Variants in TNRC18 observed in about 807,000 individuals in gnomAD.
The protein encoded by TNRC18 is trinucleotide repeat containing 18, also known as trinucleotide repeat-containing gene 18 protein.
A neutral mutation model predicts 226.7 loss-of-function variants in TNRC18; 69 were observed. That is an observed-to-expected ratio of 0.30 (90% CI 0.25 to 0.37). The LOEUF (loss-of-function observed/expected upper bound fraction) is 0.37, where lower values mean the gene tolerates loss of function less well. Ranked by LOEUF, TNRC18 falls within the 10% of genes least tolerant of loss-of-function variation. The pLI, the probability that TNRC18 is intolerant of heterozygous loss-of-function variation, is 1.00. For synonymous variants in TNRC18, 2,449 were observed against 1,927.6 expected (o/e 1.27, Z -7.09); for missense variants, 4,754 against 4,256.6 (o/e 1.12, Z -3.25).
At chr7:5,374,550 G>A (rs1794461855) in intron 9 of TNRC18, 66 bp from the exon 10 acceptor site, 2 of 1,472,308 alleles carry the variant, frequency 1.4e-6, no homozygotes, top group Admixed American at 2.2e-5. Flanking sequence ...GCCCGCACCT[G>A]CCCTGTCCCC....
At chr7:5,391,538 C>T (rs1190151781) in intron 3 of TNRC18, among the ~76,000 whole-genome samples, 3 of 151,740 alleles carry the variant, frequency 2.0e-5, no homozygotes, top group South Asian at 4.2e-4. Flanking sequence ...CTCGAACTCC[C>T]GGCTTCAAGT....
Position 5,388,693 on chromosome 7 carries a change from G to T in TNRC18, c.1131C>A (p.Ser377=). The T allele has an allele frequency of 7.9e-7, 1 of 1,266,254 alleles. No individual in the cohort carries two copies. Among genetic ancestry groups the T allele is most frequent in the Non-Finnish European group, 1.0e-6 (1 of 1,003,558 alleles). The allele number at this position is 1,266,254 out of a possible 1,614,324, so 78.4% of individuals were successfully genotyped here. ...CCGGGCGCTCGTCGAAGGCCTCCACGGAAGGCACGAAGGTGGGCGCCACCA... is the reference window on the plus strand; with the variant it reads ...CCGGGCGCTCGTCGAAGGCCTCCACTGAAGGCACGAAGGTGGGCGCCACCA... ...HRVVAPTFVP[S]VEAFDERPGP... Residue 377 remains serine (S), a synonymous_variant, in exon 5 of 30, where the codon TCC becomes TCA. Coordinates refer to ENST00000430969, the MANE Select transcript of TNRC18 (RefSeq NM_001080495.3).
chr7:5,357,205 G>C lies in TNRC18; in HGVS notation c.4905C>G (p.Ser1635=), dbSNP rs757431826. The C allele has an allele frequency of 6.2e-6, 10 of 1,611,822 alleles. No homozygotes were observed. Among genetic ancestry groups the C allele is most frequent in the African/African-American group, 2.7e-5 (2 of 74,870 alleles). The change falls in exon 16 of 30, where the codon TCC becomes TCG. Residue 1635 remains serine, a synonymous_variant. Coordinates refer to ENST00000430969, the MANE Select transcript of TNRC18 (RefSeq NM_001080495.3). The part of the protein sequence containing the change: ...QLASKLDKAL[S]LTKQDKLKSP... ...ACTTCAACTTGTCCTGCTTGGTGAGGGAGAGGGCCTTGTCGAGCTTGCTTG... is the reference window on the plus strand; with the variant it reads ...ACTTCAACTTGTCCTGCTTGGTGAGCGAGAGGGCCTTGTCGAGCTTGCTTG...
intron 9 of TNRC18, among the ~76,000 whole-genome samples, 199 bp from the exon 10 acceptor site, chr7:5,374,683 G>A (rs924056487): frequency 1.6e-4 from 25 of 152,318 alleles, no homozygotes; most frequent in Non-Finnish European, 3.1e-4. Context: ...AGCGTTCCAC[G>A]CAGAACCCCA....
intron 18 of TNRC18, among the ~76,000 whole-genome samples, chr7:5,340,484 C>T (rs1045717968): frequency 2.0e-5 from 3 of 152,194 alleles, no homozygotes; most frequent in Admixed American, 6.5e-5. Flanking sequence ...CGCCTGTCAT[C>T]CCAGCACTTT....
intron 12 of TNRC18, 91 bp from the exon 13 acceptor site, chr7:5,362,124 G>A: frequency 6.7e-7 from 1 of 1,492,712 alleles, no homozygotes; most frequent in South Asian, 1.3e-5. Context: ...TGAGGAAGGG[G>A]AGACTGCACT....
chr7:5,387,698 C>A lies in TNRC18; in HGVS notation c.2126G>T (p.Arg709Leu), dbSNP rs1456374365. Reference protein sequence around the residue: ...RLGPGLVDQERSLSLSNVKGH... With the variant: ...RLGPGLVDQELSLSLSNVKGH... Reference sequence around the variant, plus strand: ...TTTGACGTTACTCAGCGACAGAGAGCGCTCCTGGTCTACCAGCCCAGGCCC... The same window carrying A: ...TTTGACGTTACTCAGCGACAGAGAGAGCTCCTGGTCTACCAGCCCAGGCCC... Residue 709 changes from arginine to leucine, a missense_variant, in exon 5 of 30, where the codon CGC becomes CTC. Coordinates refer to ENST00000430969, the MANE Select transcript of TNRC18 (RefSeq NM_001080495.3). 5 of 1,605,152 alleles carry A rather than the reference C, an allele frequency of 3.1e-6. No individual in the cohort carries two copies. Among genetic ancestry groups the A allele is most frequent in the African/African-American group, 2.7e-5 (2 of 75,064 alleles).
At chr7:5,316,202 G>T (rs1422717170) in intron 24 of TNRC18, 130 bp from the exon 25 acceptor site, 13 of 622,570 alleles carry the variant, frequency 2.1e-5, no homozygotes, top group Non-Finnish European at 3.2e-5. Flanking sequence ...GGGGACATGG[G>T]TGGAGGGTAT....
chr7:5,340,291 A>C (rs1380482446), intron 18 of TNRC18, among the ~76,000 whole-genome samples: 5 of 152,234 alleles, frequency 3.3e-5, no homozygotes, highest in Non-Finnish European at 7.3e-5. Flanking sequence ...TGGAGAGAAG[A>C]TCAAACCACC....
rs1228319297 is a variant in TNRC18 at position 5,359,471 on chromosome 7, A to C, written c.4760T>G (p.Ile1587Ser). The C allele has an allele frequency of 6.2e-7, 1 of 1,613,942 alleles. No homozygotes were observed. Among genetic ancestry groups the C allele is most frequent in the East Asian group, 2.2e-5 (1 of 44,880 alleles). ...KGSEEEHDAL[I>S]GMGKARGRNQ... ...CCTCCCCCTGGCTTTCCCCATTCCG[A>C]TGAGGGCATCATGTTCCTCCTCAGA... The change falls in exon 15 of 30, where the codon ATC becomes AGC. Residue 1587 changes from isoleucine (I) to serine (S), a missense_variant. Ile to Ser is a moderately radical substitution (Grantham distance 142, BLOSUM62 -2). Transcript: ENST00000430969.
At chr7:5,314,105 A>G (rs1396455998) in intron 26 of TNRC18, among the ~76,000 whole-genome samples, 1 of 151,728 alleles carries the variant, frequency 6.6e-6, no homozygotes, top group East Asian at 1.9e-4. Context: ...GGCCACAAGC[A>G]TGCGCCACTA....
chr7:5,357,311 C>T (rs760193352), intron 15 of TNRC18, 35 bp from the exon 16 acceptor site: 3 of 1,578,528 alleles, frequency 1.9e-6, no homozygotes, highest in Non-Finnish European at 2.6e-6. Context: ...GTTAAAAGAT[C>T]TGACAAAACA....
chr7:5,311,834 A>T (rs1160711723), intron 27 of TNRC18, among the ~76,000 whole-genome samples: 1 of 145,710 alleles, frequency 6.9e-6, no homozygotes, highest in Non-Finnish European at 1.6e-5. Context: ...AAAAAAAAAG[A>T]AAGAAAGAAA....
At chr7:5,360,527 A>T (rs1562546324) in intron 14 of TNRC18, among the ~76,000 whole-genome samples, 1 of 152,018 alleles carries the variant, frequency 6.6e-6, no homozygotes. Flanking sequence ...ACCGTGGCCA[A>T]CCTGTGTACT....
chr7:5,413,976 G>A (rs146390910), intron 2 of TNRC18, among the ~76,000 whole-genome samples: 1,909 of 152,016 alleles, frequency 0.013, 44 homozygotes, highest in African/African-American at 0.044. Context: ...TTTTTGAGAT[G>A]GAGTCTCATT....
intron 18 of TNRC18, among the ~76,000 whole-genome samples, chr7:5,339,927 C>T (rs536024647): frequency 9.9e-5 from 15 of 152,048 alleles, no homozygotes; most frequent in Non-Finnish European, 1.8e-4. Flanking sequence ...GACTGCTCCG[C>T]CAACCGGCCT....
At chr7:5,335,948 T>C (rs986243762) in intron 18 of TNRC18, among the ~76,000 whole-genome samples, 1 of 150,994 alleles carries the variant, frequency 6.6e-6, no homozygotes, top group African/African-American at 2.4e-5. Context: ...GGCTCACACC[T>C]ATAATCCCAG....
intron 2 of TNRC18, among the ~76,000 whole-genome samples, chr7:5,407,594 G>A (rs1781560367): frequency 6.6e-6 from 1 of 152,242 alleles, no homozygotes; most frequent in African/African-American, 2.4e-5. Context: ...TCAAATATGG[G>A]CAGGGACTTT....
rs896944616 is a variant in TNRC18 at position 5,376,082 on chromosome 7, C to G, written c.2751G>C (p.Gln917His). Reference sequence around the variant, plus strand: ...GTTCCAAGGCCTGGGCCGCCTGCTGCTGCAGGTACAGGAACTCCTGCTGCC... The same window carrying G: ...GTTCCAAGGCCTGGGCCGCCTGCTGGTGCAGGTACAGGAACTCCTGCTGCC... ...FLRQQEFLYLQQQAAQALELQ... is the reference protein window; with the variant it reads ...FLRQQEFLYLHQQAAQALELQ... Residue 917 changes from glutamine to histidine, a missense_variant, in exon 9 of 30, where the codon CAG (glutamine) becomes CAC (histidine). Physicochemically the swap from Gln to His is conservative, Grantham distance 24. Transcript: ENST00000430969. 3.8e-6 allele frequency: 6 copies of G among 1,596,210 alleles called. No individual in the cohort carries two copies. The African/African-American group carries it at 6.7e-5, about 18-fold the overall frequency.
Sources: gnomAD v4.1 joint callset for allele counts (sites outside exome capture counted in the v4.1 genomes callset) on GRCh38, gnomAD v4.1.1 for gene constraint, MANE v1.5 for transcripts, NCBI Gene and HGNC (gene_info 2026-07-23, HGNC 2026-07-21) for gene names.